The following SELENOV variants were observed in gnomAD, a reference collection of about 807,000 sequenced individuals.
SELENOV encodes selenoprotein V.
A neutral mutation model predicts 21.6 loss-of-function variants in SELENOV; 25 were observed. That is an observed-to-expected ratio of 1.16 (90% CI 0.84 to 1.62). SELENOV has a LOEUF of 1.62. SELENOV is among the 40% of genes most tolerant of loss of function. SELENOV has a pLI of 0.00. For synonymous variants in SELENOV, 227 were observed against 216.9 expected (o/e 1.05, Z -0.41); for missense variants, 472 against 459.0 (o/e 1.03, Z -0.26).
intron 1 of SELENOV, 183 bp from the exon 2 acceptor site, chr19:39,518,425 T>C (rs1490762199): frequency 1.6e-6 from 1 of 645,040 alleles, no homozygotes; most frequent in African/African-American, 1.8e-5. Context: ...CTGTGGTGGC[T>C]TGCAGGCCAC....
exon 6 of SELENOV, chr19:39,520,237 G>C (rs1355941458): frequency 1.3e-5 from 2 of 152,382 alleles, no homozygotes; most frequent in African/African-American, 2.4e-5. Context: ...TCAGGGAGGG[G>C]AAGAGGAGAA....
chr19:39,516,821 G>T (rs192718823), intron 1 of SELENOV, among the ~76,000 whole-genome samples: 64 of 149,006 alleles, frequency 4.3e-4, no homozygotes, highest in African/African-American at 1.4e-3. Context: ...TCAGCCTCCC[G>T]AACAGCTGGA....
At position 39,515,347 on chromosome 19, in the gene SELENOV, C is replaced by G. The variant is rs1374464425; in HGVS notation, c.135C>G (p.Thr45=). ...TCCGGACTCGGACCCCCATCCGGAC[C>G]CTGACTCCAGTCCTGACTCCGTCTC... The change falls in exon 1 of 6, where the codon ACC becomes ACG. Residue 45 remains threonine, a synonymous_variant. Transcript: ENST00000335426. This position sits in a 1 kb window ranked among gnomAD's most constrained non-coding sequence, Gnocchi z 5.1. The G allele has an allele frequency of 6.4e-7, 1 of 1,551,444 alleles. No homozygotes were observed. Among genetic ancestry groups the G allele is most frequent in the Admixed American group, 2.0e-5 (1 of 50,988 alleles).
At position 39,515,925 on chromosome 19, in the gene SELENOV, C is replaced by A; in HGVS notation, c.713C>A (p.Pro238Gln). ...CCCTCGCCCATCCTGGGGACCATCC[C>A]GTCGGCCATCTCCTTACAGAATTGT... Residue 238 changes from proline to glutamine, a missense_variant, in exon 1 of 6, where the codon CCG (proline) becomes CAG (glutamine). Transcript: ENST00000335426. This position sits in a 1 kb window ranked among gnomAD's most constrained non-coding sequence, Gnocchi z 5.1. The A allele has an allele frequency of 6.2e-7, 1 of 1,604,184 alleles. No individual in the cohort carries two copies. The highest frequency in any genetic ancestry group is 2.2e-5 in the East Asian group (1 of 44,498).
chr19:39,516,956 CA>C (rs2079700188), intron 1 of SELENOV, among the ~76,000 whole-genome samples: 1 of 152,130 alleles, frequency 6.6e-6, no homozygotes, highest in African/African-American at 2.4e-5. Flanking sequence ...CTTGGCCTCC[CA>C]AAGTGCTGGG....
intron 1 of SELENOV, among the ~76,000 whole-genome samples, chr19:39,516,634 C>T (rs1399990729): frequency 6.6e-6 from 1 of 151,764 alleles, no homozygotes; most frequent in East Asian, 1.9e-4. Context: ...CTCAAGCGAT[C>T]TTCCCACCTC....
chr19:39,518,236 A>G (rs540769436), intron 1 of SELENOV, among the ~76,000 whole-genome samples: 1 of 149,500 alleles, frequency 6.7e-6, no homozygotes, highest in Admixed American at 6.7e-5. Flanking sequence ...GCGCCATTGC[A>G]CTCCAGCCTG....
intron 1 of SELENOV, among the ~76,000 whole-genome samples, chr19:39,518,294 C>CAAAAA (rs56055153): frequency 1.9e-5 from 2 of 107,184 alleles, no homozygotes; most frequent in African/African-American, 3.4e-5. Context: ...AACAAAAAAA[C>CAAAAA]AAAAAAAAAA....
Position 39,515,584 on chromosome 19 carries a change from C to T in SELENOV, c.372C>T (p.Ala124=). Residue 124 remains alanine, a synonymous_variant, in exon 1 of 6, where the codon GCC becomes GCT. Transcript: ENST00000335426. The surrounding 1 kb of genome is among the most constrained non-coding windows in gnomAD (Gnocchi z 5.1). ...TGACTCCTCCAGTCCGGGTCCCAGCCCCAGCCCCAGCCCAGCTCCTGGCAG... is the reference window on the plus strand; with the variant it reads ...TGACTCCTCCAGTCCGGGTCCCAGCTCCAGCCCCAGCCCAGCTCCTGGCAG... 6.5e-7 allele frequency: 1 copy of T among 1,549,040 alleles called. No homozygotes were observed. The highest frequency in any genetic ancestry group is 8.7e-7 in the Non-Finnish European group (1 of 1,146,860).
intron 1 of SELENOV, among the ~76,000 whole-genome samples, chr19:39,518,144 G>A (rs537529129): frequency 1.7e-3 from 256 of 151,330 alleles, no homozygotes; most frequent in Admixed American, 2.8e-3. Flanking sequence ...GGTGGTGGGC[G>A]CCTATAGTCC....
At chr19:39,516,250 C>T in intron 1 of SELENOV, 1 of 684,884 alleles carries the variant, frequency 1.5e-6, no homozygotes, top group Non-Finnish European at 2.7e-6. Context: ...TTCATTCATT[C>T]GTTTCTGAGT....
At chr19:39,520,629 C>T (rs1245634761) in exon 6 of SELENOV, 1 of 152,056 alleles carries the variant, frequency 6.6e-6, no homozygotes, top group East Asian at 1.9e-4. Flanking sequence ...CCAGCCTGCG[C>T]AACATAGTGA....
Position 39,518,606 on chromosome 19 carries a change from A to G in SELENOV, c.810-2A>G, listed in dbSNP as rs1218285110. 1 of 1,601,820 alleles carries G rather than the reference A, an allele frequency of 6.2e-7. No individual in the cohort carries two copies. Among genetic ancestry groups the G allele is most frequent in the South Asian group, 1.1e-5 (1 of 89,334 alleles). On this transcript the variant is annotated splice_acceptor_variant, in intron 1 of 5. Coordinates refer to ENST00000335426, the Ensembl canonical transcript of SELENOV. LOFTEE classifies it high-confidence loss of function. The stretch of plus-strand genomic sequence containing the variant: ...CTTTCTCCTCCTGCTCTTGGCCTCC[A>G]GTGGCCTCTGAAGCTATAGCCTTCG...
exon 5 of SELENOV, chr19:39,519,126 A>T (rs2079715745): frequency 1.2e-6 from 2 of 1,613,802 alleles, no homozygotes; most frequent in Non-Finnish European, 1.7e-6. Flanking sequence ...AGCGTTATCG[A>T]TGAGGAAATC....
At chr19:39,519,980 A>AAAT (rs1377472199) in intron 5 of SELENOV, among the ~76,000 whole-genome samples, 166 bp from the exon 6 acceptor site, 2 of 151,632 alleles carry the variant, frequency 1.3e-5, no homozygotes, top group African/African-American at 2.4e-5. Flanking sequence ...AAAAAAAAAA[A>AAAT]AAAAAAGGAA....
At chr19:39,520,358 G>A (rs1462026292) in exon 6 of SELENOV, 1 of 150,886 alleles carries the variant, frequency 6.6e-6, no homozygotes, top group Admixed American at 6.6e-5. Context: ...GGGTGGGAGG[G>A]AGGGGAGCTT....
intron 1 of SELENOV, among the ~76,000 whole-genome samples, chr19:39,516,998 C>T: frequency 6.6e-6 from 1 of 151,520 alleles, no homozygotes; most frequent in East Asian, 1.9e-4. Flanking sequence ...CGCCTGGCCC[C>T]TAATTTTTAA....
intron 5 of SELENOV, among the ~76,000 whole-genome samples, chr19:39,519,849 C>T (rs911427703): frequency 2.6e-5 from 4 of 151,416 alleles, no homozygotes; most frequent in African/African-American, 9.7e-5. Context: ...CCTGTAGTCC[C>T]AGCTACTCAG....
Position 39,515,999 on chromosome 19 carries a change from G to T in SELENOV, c.787G>T (p.Val263Phe). 1 of 1,596,244 alleles carries T rather than the reference G, an allele frequency of 6.3e-7. No homozygotes were observed. Among genetic ancestry groups the T allele is most frequent in the Non-Finnish European group, 8.5e-7 (1 of 1,171,886 alleles). Residue 263 changes from valine (V) to phenylalanine (F), a missense_variant, in exon 1 of 6, where the codon GTC (valine) becomes TTC (phenylalanine). Transcript: ENST00000335426. This position sits in a 1 kb window ranked among gnomAD's most constrained non-coding sequence, Gnocchi z 5.1. ...CGAGAACTTCGCGCTGGACAAGAGG[G>T]TCCTGATTCGAGTGACCTACTGGTG...
Sources: gnomAD v4.1 joint callset for allele counts (sites outside exome capture counted in the v4.1 genomes callset) on GRCh38, gnomAD v4.1.1 for gene constraint, Gnocchi (gnomAD v3.1) non-coding constraint, MANE v1.5 for transcripts, NCBI Gene and HGNC (gene_info 2026-07-23, HGNC 2026-07-21) for gene names.